AFG3L2: variants seen among roughly 807,000 people sequenced by gnomAD.
The protein encoded by AFG3L2 is AFG3 like matrix AAA peptidase subunit 2.
AFG3L2 carries 54 observed loss-of-function variants against 94.5 expected under a neutral mutation model. That is an observed-to-expected ratio of 0.57 (90% CI 0.46 to 0.72). AFG3L2 has a LOEUF of 0.72. AFG3L2 is among the 30% of genes least tolerant of loss of function. AFG3L2 has a pLI of 0.00. For synonymous variants in AFG3L2, 377 were observed against 365.5 expected, an observed-to-expected ratio of 1.03 and a Z score of -0.36; for missense variants, 754 against 994.9, an observed-to-expected ratio of 0.76 and a Z score of 3.26.
chr18:12,351,061 G>T (rs755220273), intron 12 of AFG3L2, 24 bp downstream of exon 12: 10 of 1,612,014 alleles, frequency 6.2e-6, no homozygotes, highest in African/African-American at 2.7e-5. Context: ...CTTCTAAATA[G>T]GGTCCTCGTT....
intron 13 of AFG3L2, among the ~76,000 whole-genome samples, chr18:12,344,512 TA>T (rs1335960532): frequency 6.6e-6 from 1 of 151,824 alleles, no homozygotes. Context: ...CCGTCTCTAC[TA>T]AAAATACAAA....
chr18:12,372,372 T>C (rs1909017847), intron 1 of AFG3L2, among the ~76,000 whole-genome samples: 2 of 152,312 alleles, frequency 1.3e-5, no homozygotes, highest in Admixed American at 6.5e-5. Context: ...ACATCCACTA[T>C]AATCAAAAAG....
rs760674564 is a variant in AFG3L2 at position 12,329,605 on chromosome 18, T to C, written c.2354A>G (p.Lys785Arg). 2.5e-6 allele frequency: 4 copies of C among 1,614,008 alleles called. No homozygotes were observed. Among genetic ancestry groups the C allele is most frequent in the Non-Finnish European group, 2.5e-6 (3 of 1,180,026 alleles). Reference protein sequence around the residue: ...GLKDWNKEREKEKEEPPGEKV... With the variant: ...GLKDWNKEREREKEEPPGEKV... ...CTCACCCGGGGGCTCCTCTTTCTCC[T>C]TTTCCCGCTCCTTGTTCCAGTCCTT... is the stretch of plus-strand genomic sequence containing the variant. The change falls in exon 17 of 17, where the codon AAG (lysine) becomes AGG (arginine). Residue 785 changes from lysine to arginine, a missense_variant. Physicochemically the swap from Lys to Arg is conservative, Grantham distance 26 (BLOSUM62 2). Around this residue, in one of 4 missense-constraint regions of AFG3L2, gnomAD observed 279 missense variants for 378.6 expected, o/e 0.74. Transcript: ENST00000269143.
At chr18:12,333,065 CTATTATATAACTAT>C (rs56261154) in intron 16 of AFG3L2, among the ~76,000 whole-genome samples, 68,000 of 91,252 alleles carry the variant, frequency 0.75, 24,148 homozygotes, top group South Asian at 0.82. Context: ...AGATTATAAT[CTATTATATAACTAT>C]TATATAATAG....
rs758744473 is a variant in AFG3L2, at chr18:12,337,612, C to T, written c.1981-77G>A. On this transcript the variant is annotated intron_variant, in intron 15 of 16. Transcript: ENST00000269143. Reference sequence around the variant, plus strand: ...CAAAATCTACACAGCAGCCTGGAGCCGGCTAAAGTGCACAAAGGTGCTCTG... The same window carrying T: ...CAAAATCTACACAGCAGCCTGGAGCTGGCTAAAGTGCACAAAGGTGCTCTG... 184 of 1,428,788 alleles carry T rather than the reference C, an allele frequency of 1.3e-4. 1 individual carries two copies. Among genetic ancestry groups the T allele is most frequent in the Non-Finnish European group, 1.7e-4 (173 of 1,022,344 alleles). The allele number at this position is 1,428,788 out of a possible 1,614,324, so 88.5% of individuals were successfully genotyped here.
At chr18:12,358,997 C>T (rs1227532400) in intron 7 of AFG3L2, 54 bp from the exon 8 acceptor site, 3 of 1,570,632 alleles carry the variant, frequency 1.9e-6, no homozygotes, top group South Asian at 2.3e-5. Context: ...CTCCAGCTTT[C>T]ACATGTGGTG....
intron 16 of AFG3L2, 152 bp downstream of exon 16, chr18:12,337,187 CAG>C (rs1707576778): frequency 1.4e-6 from 1 of 724,292 alleles, no homozygotes; most frequent in Non-Finnish European, 2.5e-6. Context: ...CGCTTGAAGA[CAG>C]AGCAGACAAC....
intron 9 of AFG3L2, among the ~76,000 whole-genome samples, chr18:12,353,429 G>A (rs759638965): frequency 1.3e-5 from 2 of 148,828 alleles, no homozygotes; most frequent in East Asian, 2.0e-4. Context: ...CAGGAGAATC[G>A]CTTGAACCTG....
At chr18:12,347,059 G>A (rs966172034) in intron 13 of AFG3L2, among the ~76,000 whole-genome samples, 5 of 152,260 alleles carry the variant, frequency 3.3e-5, no homozygotes, top group African/African-American at 1.2e-4. Context: ...CCCTGGAGGT[G>A]GAGGTTGCAG....
intron 6 of AFG3L2, among the ~76,000 whole-genome samples, chr18:12,360,520 C>A (rs1037021019): frequency 3.3e-5 from 5 of 152,128 alleles, no homozygotes; most frequent in African/African-American, 1.2e-4. Context: ...ATCCTGAGGA[C>A]CATCCTAAGA....
chr18:12,346,724 T>C (rs1444334461), intron 13 of AFG3L2, among the ~76,000 whole-genome samples: 3 of 151,968 alleles, frequency 2.0e-5, no homozygotes, highest in Admixed American at 6.6e-5. Flanking sequence ...GCCAACATGG[T>C]GAAACCCCAT....
chr18:12,331,877 T>A (rs1907544146), intron 16 of AFG3L2, among the ~76,000 whole-genome samples: 1 of 149,710 alleles, frequency 6.7e-6, no homozygotes, highest in South Asian at 2.1e-4. Flanking sequence ...AGGGCAGAGA[T>A]ACAAAATGAA....
intron 1 of AFG3L2, among the ~76,000 whole-genome samples, chr18:12,376,608 C>G (rs1287952989): frequency 6.6e-6 from 1 of 152,262 alleles, no homozygotes; most frequent in Admixed American, 6.5e-5. Context: ...CTACATCGTG[C>G]TCGTGCTGCT....
At chr18:12,342,977 C>T (rs1350875727) in intron 14 of AFG3L2, 4 of 150,682 alleles carry the variant, frequency 2.7e-5, no homozygotes, top group Non-Finnish European at 5.9e-5. Context: ...ATTTCCATAT[C>T]GGTTTTAGAT....
At chr18:12,330,609 C>G (rs1436631177) in intron 16 of AFG3L2, among the ~76,000 whole-genome samples, 3 of 152,090 alleles carry the variant, frequency 2.0e-5, no homozygotes, top group African/African-American at 7.2e-5. Context: ...AAAACCCCGT[C>G]TCTACTAAAA....
intron 3 of AFG3L2, 40 bp from the exon 4 acceptor site, chr18:12,367,422 G>C: frequency 6.3e-7 from 1 of 1,589,182 alleles, no homozygotes; most frequent in Non-Finnish European, 8.6e-7. Context: ...GCACGGCAAG[G>C]TTTTAGCTCT....
chr18:12,372,125 G>A (rs536828883), intron 1 of AFG3L2, among the ~76,000 whole-genome samples: 68 of 152,190 alleles, frequency 4.5e-4, no homozygotes, highest in Non-Finnish European at 8.5e-4. Context: ...CCAAGATGGT[G>A]AAACCCCGTC....
At chr18:12,352,894 G>GC (rs1241500667) in intron 10 of AFG3L2, 111 bp downstream of exon 10, 2 of 1,451,366 alleles carry the variant, frequency 1.4e-6, no homozygotes, top group African/African-American at 2.8e-5. Context: ...GTCAGAGGAT[G>GC]CAGTGAGCCG....
chr18:12,365,225 G>A (rs760103410), intron 5 of AFG3L2, among the ~76,000 whole-genome samples: 3 of 152,128 alleles, frequency 2.0e-5, no homozygotes, highest in African/African-American at 7.2e-5. Flanking sequence ...ACAGACACCC[G>A]CTGGGGAGAC....
Sources: allele counts gnomAD v4.1 joint callset (sites outside exome capture counted in the v4.1 genomes callset), GRCh38; gene constraint gnomAD v4.1.1; regional missense constraint gnomAD v4.1.1; transcripts MANE v1.5; gene names NCBI Gene and HGNC (gene_info 2026-07-23, HGNC 2026-07-21).